Variants in GIP observed in about 807,000 individuals in gnomAD.
The protein encoded by GIP is gastric inhibitory polypeptide.
GIP carries 16 observed loss-of-function variants against 18.1 expected under a neutral mutation model. That is an observed-to-expected ratio of 0.88 (90% CI 0.60 to 1.34). GIP has a LOEUF of 1.34. Among genes scored for constraint, GIP ranks in the 40% most tolerant of loss-of-function variants. The probability of loss-of-function intolerance (pLI) is 0.00; values close to 1 mark genes in which losing one functional copy is unlikely to be tolerated. For missense variants in GIP, 192 were observed against 183.4 expected (o/e 1.05, Z -0.27); for synonymous variants, 76 against 74.0 (o/e 1.03, Z -0.14).
chr17:48,962,476 C>G (rs1242269889), intron 3 of GIP, among the ~76,000 whole-genome samples: 1 of 150,130 alleles, frequency 6.7e-6, no homozygotes, highest in African/African-American at 2.5e-5. Flanking sequence ...TCAAGCAATT[C>G]TCATGCCTCA....
intron 5 of GIP, among the ~76,000 whole-genome samples, chr17:48,960,642 C>T (rs1194402916): frequency 6.6e-6 from 1 of 152,140 alleles, no homozygotes; most frequent in Non-Finnish European, 1.5e-5. Flanking sequence ...AGATGGCCCT[C>T]AGGTCTCCAC....
chr17:48,963,659 CAAAAG>C (rs1327773768), intron 3 of GIP, among the ~76,000 whole-genome samples: 1 of 150,302 alleles, frequency 6.7e-6, no homozygotes, highest in Non-Finnish European at 1.5e-5. Flanking sequence ...GACTTCGTCT[CAAAAG>C]AACAACAAAA....
rs146632699 is a variant in GIP at position 48,964,417 on chromosome 17, G to A, written c.150C>T (p.Pro50=). 32 of 1,613,658 alleles carry A rather than the reference G, an allele frequency of 2.0e-5. No homozygotes were observed. The African/African-American group carries it at 4.0e-4, about 20-fold the overall frequency. Residue 50 remains proline (P), a synonymous_variant, in exon 3 of 6, where the codon CCC becomes CCT. Transcript: ENST00000357424. ...TGATGAAAGTCCCTTCCGCGTACCT[G>A]GGGCCTCGAGGTTGAGGGCTGCTCA... ...AKVSSPQPRG[P]RYAEGTFISD...
Position 48,960,922 on chromosome 17 carries a change from G to A in GIP, c.416C>T (p.Ala139Val), listed in dbSNP as rs770144205. ...LRDLLIQELLACLLDQTNLCR... is the reference protein window; with the variant it reads ...LRDLLIQELLVCLLDQTNLCR... ...GAGGTTTGTCTGATCCAGCAAGCAG[G>A]CCAACAGCTCTTGAATCAGCAAGTC... is the stretch of plus-strand genomic sequence containing the variant. Residue 139 changes from alanine (A) to valine (V), a missense_variant, in exon 5 of 6, where the codon GCC (alanine) becomes GTC (valine). Coordinates refer to ENST00000357424, the MANE Select transcript of GIP (RefSeq NM_004123.3). 3.7e-6 allele frequency: 6 copies of A among 1,607,724 alleles called. No individual in the cohort carries two copies. The South Asian group carries it at 4.5e-5, about 12-fold the overall frequency.
Position 48,961,805 on chromosome 17 carries a change from ATGT to A in GIP, c.269_271del (p.Asn90del), listed in dbSNP as rs752692849. 7 of 1,612,110 alleles carry A rather than the reference ATGT, an allele frequency of 4.3e-6. No homozygotes were observed. The highest frequency in any genetic ancestry group is 2.2e-5 in the South Asian group (2 of 90,994). ...CAGCGCCCGAGCCTCCCTCTGGGTGATGTTGTGTTTCCAGCTGGGAAGATAAAG... is the reference window on the plus strand; with the variant it reads ...CAGCGCCCGAGCCTCCCTCTGGGTGATGTGTTTCCAGCTGGGAAGATAAAG... On this transcript the variant is annotated inframe_deletion, in exon 4 of 6. Transcript: ENST00000357424.
chr17:48,962,845 T>G (rs916692373), intron 3 of GIP, among the ~76,000 whole-genome samples: 3 of 151,074 alleles, frequency 2.0e-5, no homozygotes, highest in Non-Finnish European at 3.0e-5. Flanking sequence ...TGGCTCACAC[T>G]TGTAATCCCA....
chr17:48,962,287 C>T (rs562730463), intron 3 of GIP, among the ~76,000 whole-genome samples: 4 of 152,160 alleles, frequency 2.6e-5, no homozygotes, highest in East Asian at 3.9e-4. Flanking sequence ...CGAATGAACT[C>T]GTGAGCTCAA....
At chr17:48,967,566 G>A (rs1236223332) in intron 1 of GIP, among the ~76,000 whole-genome samples, 1 of 151,252 alleles carries the variant, frequency 6.6e-6, no homozygotes, top group Non-Finnish European at 1.5e-5. Flanking sequence ...CACCATATTG[G>A]CCAGGCTGGT....
At chr17:48,966,637 T>C (rs1333724902) in intron 2 of GIP, among the ~76,000 whole-genome samples, 1 of 150,370 alleles carries the variant, frequency 6.7e-6, no homozygotes, top group Non-Finnish European at 1.5e-5. Flanking sequence ...CGAAACCTCA[T>C]CTCTACAAAA....
chr17:48,967,357 T>TTA, intron 1 of GIP, 104 bp from the exon 2 acceptor site: 2 of 626,802 alleles, frequency 3.2e-6, no homozygotes, highest in South Asian at 1.9e-5. Context: ...CTTTTCCTTT[T>TTA]TCTTTTTTTT....
intron 5 of GIP, 123 bp downstream of exon 5, chr17:48,960,763 G>A (rs1376292620): frequency 1.4e-5 from 10 of 691,796 alleles, no homozygotes; most frequent in Non-Finnish European, 2.6e-6. Context: ...TCTGATTTTA[G>A]TGAAAACACT....
In GIP at chr17:48,964,385, T is replaced by C. The variant is rs1431906948; in HGVS notation, c.182A>G (p.Tyr61Cys). The C allele has an allele frequency of 6.2e-7, 1 of 1,613,434 alleles. No homozygotes were observed. Among genetic ancestry groups the C allele is most frequent in the African/African-American group, 1.3e-5 (1 of 74,830 alleles). ...RYAEGTFISDYSIAMDKIHQQ... is the reference protein window; with the variant it reads ...RYAEGTFISDCSIAMDKIHQQ... Reference sequence around the variant, plus strand: ...GTGAATCTTGTCCATGGCAATACTGTAGTCACTGATGAAAGTCCCTTCCGC... The same window carrying C: ...GTGAATCTTGTCCATGGCAATACTGCAGTCACTGATGAAAGTCCCTTCCGC... Residue 61 changes from tyrosine to cysteine, a missense_variant, in exon 3 of 6, where the codon TAC (tyrosine) becomes TGC (cysteine). Transcript: ENST00000357424.
At chr17:48,966,420 G>T (rs1216895011) in intron 2 of GIP, among the ~76,000 whole-genome samples, 1 of 151,610 alleles carries the variant, frequency 6.6e-6, no homozygotes, top group Non-Finnish European at 1.5e-5. Flanking sequence ...GCCGGGTGTG[G>T]TGGTGGGCAC....
At chr17:48,958,999 C>T (rs904338886) in intron 5 of GIP, among the ~76,000 whole-genome samples, 4 of 151,908 alleles carry the variant, frequency 2.6e-5, no homozygotes, top group East Asian at 1.9e-4. Flanking sequence ...GGACTACAGG[C>T]GCCCGCCTCC....
chr17:48,966,041 C>G (rs2041234274), intron 2 of GIP, among the ~76,000 whole-genome samples: 1 of 151,852 alleles, frequency 6.6e-6, no homozygotes, highest in Non-Finnish European at 1.5e-5. Flanking sequence ...AGGTGGATCA[C>G]GAGGTCAGGA....
At chr17:48,963,979 G>A (rs1281393156) in intron 3 of GIP, among the ~76,000 whole-genome samples, 2 of 141,510 alleles carry the variant, frequency 1.4e-5, no homozygotes, top group South Asian at 2.3e-4. Context: ...GTGAAACCCC[G>A]TATCTACTGA....
chr17:48,964,610 A>C (rs2041224224), intron 2 of GIP, 130 bp from the exon 3 acceptor site: 2 of 708,036 alleles, frequency 2.8e-6, no homozygotes, highest in Non-Finnish European at 4.7e-6. Flanking sequence ...CTCCCTGTGG[A>C]TCCACTCCCC....
chr17:48,965,629 C>T (rs796173097), intron 2 of GIP, among the ~76,000 whole-genome samples: 2 of 119,426 alleles, frequency 1.7e-5, no homozygotes, highest in African/African-American at 6.2e-5. Flanking sequence ...AAAAAGGGAT[C>T]GGGGTCCCCT....
In GIP at chr17:48,958,680, C is replaced by T. The variant is rs55936433; in HGVS notation, c.*27G>A. 6.4e-7 allele frequency: 1 copy of T among 1,568,464 alleles called. No individual in the cohort carries two copies. Among genetic ancestry groups the T allele is most frequent in the Non-Finnish European group, 8.7e-7 (1 of 1,153,982 alleles). The stretch of plus-strand genomic sequence containing the variant: ...GCAGGTGCTAAGTGAAGGGCAGAAT[C>T]CAGTCCTGAGCTGGGTGTGGTCAGA... On this transcript the variant is annotated 3_prime_UTR_variant, in exon 6 of 6. Transcript: ENST00000357424.
Sources: gnomAD v4.1 joint callset for allele counts (sites outside exome capture counted in the v4.1 genomes callset) on GRCh38, gnomAD v4.1.1 for gene constraint, MANE v1.5 for transcripts, NCBI Gene and HGNC (gene_info 2026-07-23, HGNC 2026-07-21) for gene names.